Variants in UAP1 observed in about 807,000 individuals in gnomAD.
The protein encoded by UAP1 is UDP-N-acetylhexosamine pyrophosphorylase.
A neutral mutation model predicts 58.5 loss-of-function variants in UAP1; 25 were observed. The ratio of observed to expected loss-of-function variants is 0.43; its 90% CI spans 0.31 to 0.60. The LOEUF is 0.60. Ranked by LOEUF, UAP1 falls within the 20% of genes least tolerant of loss-of-function variation. UAP1 has a pLI of 0.11. For synonymous variants in UAP1, 208 were observed against 213.0 expected (o/e 0.98, Z 0.21); for missense variants, 575 against 630.0 (o/e 0.91, Z 0.93).
intron 6 of UAP1, 49 bp from the exon 7 acceptor site, chr1:162,588,644 C>T: frequency 6.4e-7 from 1 of 1,566,198 alleles, no homozygotes. Context: ...GATTTTCTGG[C>T]ATTTTAAATC....
chr1:162,600,593 G>A (rs186069293), downstream of UAP1, among the ~76,000 whole-genome samples: 218 of 150,844 alleles, frequency 1.4e-3, no homozygotes, highest in Non-Finnish European at 2.3e-3. Flanking sequence ...CCGCTAACAA[G>A]TTGTCACAAG....
chr1:162,579,867 A>AT (rs910986163), intron 4 of UAP1, among the ~76,000 whole-genome samples: 4 of 151,928 alleles, frequency 2.6e-5, no homozygotes, highest in Non-Finnish European at 5.9e-5. Context: ...TTTATTTTTT[A>AT]TTTTTTACAA....
At chr1:162,577,434 C>CTTTTTTTTTTTTTTTT (rs1557970274) in intron 3 of UAP1, among the ~76,000 whole-genome samples, 2 of 138,148 alleles carry the variant, frequency 1.4e-5, no homozygotes, top group African/African-American at 5.8e-5. Context: ...TAGTTCCTTC[C>CTTTTTTTTTTTTTTTT]CTTTTTTTTT....
rs190154592 is a variant in UAP1 at position 162,563,000 on chromosome 1, A to G, written c.-58+1223A>G. On this transcript the variant is annotated intron_variant, in intron 1 of 10. Coordinates refer to ENST00000271469, the Ensembl canonical transcript of UAP1. ...GGTAGATTATTACCAAATTTTTCAT[A>G]TATTTTGATGCAGATGGATTAGGCT... 2.6e-5 allele frequency among the ~76,000 whole-genome samples: 4 copies of G among 152,346 alleles called. No homozygotes were observed. The East Asian group carries it at 5.8e-4, about 22-fold the overall frequency.
intron 9 of UAP1, 153 bp from the exon 10 acceptor site, chr1:162,597,639 G>A (rs923389599): frequency 1.2e-5 from 7 of 582,716 alleles, no homozygotes; most frequent in African/African-American, 9.4e-5. Flanking sequence ...AATCCTCAGG[G>A]AATTTAGTGA....
chr1:162,569,745 G>C (rs1182528321), intron 2 of UAP1, among the ~76,000 whole-genome samples: 1 of 152,144 alleles, frequency 6.6e-6, no homozygotes, highest in African/African-American at 2.4e-5. Context: ...CTACCATATA[G>C]CACTATAGTA....
chr1:162,567,181 G>A (rs1653567760), intron 2 of UAP1, among the ~76,000 whole-genome samples: 1 of 152,048 alleles, frequency 6.6e-6, no homozygotes, highest in African/African-American at 2.4e-5. Flanking sequence ...CATTCATTAA[G>A]GTTTACCACA....
At chr1:162,583,014 G>A (rs1457663418) in intron 5 of UAP1, among the ~76,000 whole-genome samples, 1 of 150,584 alleles carries the variant, frequency 6.6e-6, no homozygotes, top group Non-Finnish European at 1.5e-5. Flanking sequence ...GACTCACTAT[G>A]TCATCTAGGC....
chr1:162,597,675 T>C (rs1053140271), intron 9 of UAP1, 117 bp from the exon 10 acceptor site: 9 of 765,592 alleles, frequency 1.2e-5, no homozygotes, highest in Non-Finnish European at 2.0e-5. Context: ...CTATTCCATT[T>C]GTTTAACTGG....
At chr1:162,587,902 C>T in intron 6 of UAP1, 1 of 411,628 alleles carries the variant, frequency 2.4e-6, no homozygotes, top group East Asian at 3.6e-5. Context: ...CAAAGCATTT[C>T]TCCCTTCTCA....
At chr1:162,569,401 A>G (rs1422112078) in intron 2 of UAP1, among the ~76,000 whole-genome samples, 1 of 152,238 alleles carries the variant, frequency 6.6e-6, no homozygotes, top group Non-Finnish European at 1.5e-5. Flanking sequence ...ATAAGTGACC[A>G]CTGTACTCCT....
At chr1:162,586,375 G>A (rs1654902700) in intron 5 of UAP1, among the ~76,000 whole-genome samples, 1 of 152,154 alleles carries the variant, frequency 6.6e-6, no homozygotes. Flanking sequence ...AGGCTCGAGT[G>A]GAGTGCAGTG....
intron 9 of UAP1, chr1:162,593,569 C>G (rs1230720799): frequency 2.0e-5 from 3 of 151,856 alleles, no homozygotes; most frequent in African/African-American, 7.3e-5. Context: ...GCAAACATGG[C>G]GAAACCTCAT....
intron 2 of UAP1, among the ~76,000 whole-genome samples, chr1:162,570,816 A>G (rs985034633): frequency 3.3e-5 from 5 of 152,118 alleles, no homozygotes; most frequent in African/African-American, 7.2e-5. Flanking sequence ...ACCCAACTCC[A>G]CTCATCCTGG....
At chr1:162,573,762 C>T (rs193111273) in intron 2 of UAP1, among the ~76,000 whole-genome samples, 124 of 152,058 alleles carry the variant, frequency 8.2e-4, no homozygotes, top group African/African-American at 2.3e-3. Context: ...CCCAGGAGTT[C>T]GAGACCAGCC....
At chr1:162,593,820 G>A (rs537930179) in intron 9 of UAP1, 7 of 152,234 alleles carry the variant, frequency 4.6e-5, no homozygotes, top group African/African-American at 1.7e-4. Context: ...AAAAGATCTG[G>A]AGATGGAAGT....
intron 10 of UAP1, among the ~76,000 whole-genome samples, chr1:162,599,019 T>C (rs1655779580): frequency 6.6e-6 from 1 of 152,106 alleles, no homozygotes; most frequent in Non-Finnish European, 1.5e-5. Flanking sequence ...TGAGAGATGA[T>C]TATAGGAAAA....
chr1:162,582,203 A>G (rs1654633831), intron 5 of UAP1, among the ~76,000 whole-genome samples: 1 of 152,196 alleles, frequency 6.6e-6, no homozygotes, highest in South Asian at 2.1e-4. Flanking sequence ...TCTCATCAAA[A>G]ACAGTGTAAT....
chr1:162,588,715 C>T, exon 7 of UAP1: 4 of 1,611,286 alleles, frequency 2.5e-6, no homozygotes, highest in Non-Finnish European at 3.4e-6. Flanking sequence ...TCAGTTGCAG[C>T]ACCATGTGGC....
Sources: gnomAD v4.1 joint callset for allele counts (sites outside exome capture counted in the v4.1 genomes callset) on GRCh38, gnomAD v4.1.1 for gene constraint, MANE v1.5 for transcripts, NCBI Gene and HGNC (gene_info 2026-07-23, HGNC 2026-07-21) for gene names.